Variants in HMHB1 observed in about 807,000 individuals in gnomAD.
HMHB1 encodes minor histocompatibility protein HB-1.
HMHB1 carries 4 observed loss-of-function variants against 2.4 expected under a neutral mutation model. The observed-to-expected ratio is 1.65, with a 90% CI of 0.81 to 3.77. The LOEUF (loss-of-function observed/expected upper bound fraction) is 3.77, where lower values mean the gene tolerates loss of function less well. Among genes scored for constraint, HMHB1 ranks in the 30% most tolerant of loss-of-function variants. HMHB1 has a pLI of 0.01. For missense variants in HMHB1, 57 were observed against 44.2 expected, an observed-to-expected ratio of 1.29 and a Z score of -0.82; for synonymous variants, 22 against 17.6, an observed-to-expected ratio of 1.25 and a Z score of -0.63.
At position 143,815,905 on chromosome 5, in the gene HMHB1, A is replaced by G. The variant is rs183750291; in HGVS notation, c.37+3601A>G. ...GTATTTTTAGTAGAGACGGGGTTTCACCTTGTTAGCCAGGATGGTCTCGAT... is the reference window on the plus strand; with the variant it reads ...GTATTTTTAGTAGAGACGGGGTTTCGCCTTGTTAGCCAGGATGGTCTCGAT... On this transcript the variant is annotated intron_variant, in intron 1 of 1. Transcript: ENST00000289448. 2.6e-3 allele frequency among the ~76,000 whole-genome samples: 369 copies of G among 144,482 alleles called. 3 individuals are homozygous for G. The highest frequency in any genetic ancestry group is 7.8e-3 in the African/African-American group (285 of 36,568). The allele number at this position is 144,482 out of a possible 152,430, so 94.8% of individuals were successfully genotyped here.
Position 143,812,326 on chromosome 5 carries a change from A to G in HMHB1, c.37+22A>G. The G allele has an allele frequency of 1.9e-6, 3 of 1,549,350 alleles. No homozygotes were observed. The South Asian group carries it at 3.6e-5, about 18-fold the overall frequency. ...AGAGGTGAGGGAGCGAGGAGGAGGG[A>G]GAACAGAGAGAGAGGGAAAGAGGCA... On this transcript the variant is annotated intron_variant, in intron 1 of 1. Coordinates refer to ENST00000289448, the MANE Select transcript of HMHB1 (RefSeq NM_021182.3).
chr5:143,813,327 T>G (rs1759713343), intron 1 of HMHB1, among the ~76,000 whole-genome samples: 1 of 152,262 alleles, frequency 6.6e-6, no homozygotes, highest in East Asian at 1.9e-4. Flanking sequence ...AGGTTTTATT[T>G]CTTTCCAGGC....
At chr5:143,819,634 CAAA>C (rs34190658) in intron 1 of HMHB1, among the ~76,000 whole-genome samples, 6 of 82,630 alleles carry the variant, frequency 7.3e-5, no homozygotes, top group Non-Finnish European at 1.1e-4. Flanking sequence ...GACTCTGTCT[CAAA>C]AAAAAAAAAA....
intron 1 of HMHB1, among the ~76,000 whole-genome samples, chr5:143,814,448 T>G (rs1009985590): frequency 2.0e-5 from 3 of 152,216 alleles, no homozygotes; most frequent in Non-Finnish European, 4.4e-5. Flanking sequence ...ATGGAAACAG[T>G]TGACTTACAC....
Sources: allele counts gnomAD v4.1 joint callset (sites outside exome capture counted in the v4.1 genomes callset), GRCh38; gene constraint gnomAD v4.1.1; transcripts MANE v1.5; gene names NCBI Gene and HGNC (gene_info 2026-07-23, HGNC 2026-07-21).